ARHGAP10: variants seen among roughly 807,000 people sequenced by gnomAD.
ARHGAP10 encodes the protein rho GTPase-activating protein 10.
Under a neutral mutation model 108.6 loss-of-function variants are expected in ARHGAP10, and 87 were observed. The observed-to-expected ratio is 0.80, with a 90% CI of 0.67 to 0.96. ARHGAP10 has a LOEUF of 0.96. Among genes scored for constraint, ARHGAP10 ranks in the 40% least tolerant of loss-of-function variants. The pLI is 0.00. For missense variants in ARHGAP10, 939 were observed against 954.5 expected, an observed-to-expected ratio of 0.98 and a Z score of 0.21; for synonymous variants, 347 against 341.1, an observed-to-expected ratio of 1.02 and a Z score of -0.19.
At chr4:147,811,903 T>C (rs769595351) in intron 1 of ARHGAP10, among the ~76,000 whole-genome samples, 1 of 152,178 alleles carries the variant, frequency 6.6e-6, no homozygotes, top group Non-Finnish European at 1.5e-5. Context: ...GTGGGCACTT[T>C]TAAAAGTCAA....
At chr4:148,013,846 C>G (rs1405674125) in intron 18 of ARHGAP10, among the ~76,000 whole-genome samples, 1 of 152,144 alleles carries the variant, frequency 6.6e-6, no homozygotes, top group East Asian at 1.9e-4. Flanking sequence ...TCACCAGTGT[C>G]ATTTAAGGAA....
intron 10 of ARHGAP10, among the ~76,000 whole-genome samples, chr4:147,893,612 A>G (rs966287647): frequency 6.7e-6 from 1 of 148,362 alleles, no homozygotes; most frequent in Admixed American, 6.8e-5. Context: ...TATATATAGA[A>G]CTATATATAT....
chr4:148,051,012 A>G (rs1729112146), intron 20 of ARHGAP10, among the ~76,000 whole-genome samples: 1 of 152,250 alleles, frequency 6.6e-6, no homozygotes, highest in South Asian at 2.1e-4. Flanking sequence ...ATAGGACCCC[A>G]GTAGATCTGT....
chr4:147,840,075 G>A (rs572790130), intron 3 of ARHGAP10, among the ~76,000 whole-genome samples: 18 of 152,186 alleles, frequency 1.2e-4, no homozygotes, highest in Non-Finnish European at 2.2e-4. Context: ...GAGGACCTCC[G>A]CTGTCCTCTT....
chr4:147,875,180 G>A, intron 8 of ARHGAP10, 30 bp downstream of exon 8: 1 of 1,531,436 alleles, frequency 6.5e-7, no homozygotes, highest in Non-Finnish European at 8.7e-7. Flanking sequence ...TGGCTGCGTG[G>A]CTGCTTAAAA....
At chr4:148,059,729 C>T (rs1047010173) in intron 20 of ARHGAP10, among the ~76,000 whole-genome samples, 4 of 152,088 alleles carry the variant, frequency 2.6e-5, no homozygotes, top group East Asian at 1.9e-4. Flanking sequence ...ACCCTGCTTG[C>T]GAGCTACCAA....
chr4:147,994,520 A>C (rs1740400580), intron 18 of ARHGAP10, among the ~76,000 whole-genome samples: 3 of 152,240 alleles, frequency 2.0e-5, no homozygotes. Flanking sequence ...GAAGATTTAT[A>C]ATCCTTTGTG....
intron 14 of ARHGAP10, chr4:147,946,219 C>G (rs1453658894): frequency 1.2e-5 from 2 of 161,492 alleles, no homozygotes; most frequent in Admixed American, 1.3e-4. Flanking sequence ...GGCAACAATG[C>G]CACCTAAAAC....
rs1159518291 is a variant in ARHGAP10 at position 147,847,208 on chromosome 4, CT to C, written c.372del (p.Gly125GlufsTer3). Reference protein sequence around the residue: ...KPLEKFRKEQLGAVKEEKKKF... With the variant: ...KPLEKFRKEQXGAVKEEKKKF... Reference sequence around the variant, plus strand: ...CTTGGAAAAATTCAGAAAAGAGCAACTTGGAGCTGTAAAGGTTTGTGTCTAA... The same window carrying C: ...CTTGGAAAAATTCAGAAAAGAGCAACTGGAGCTGTAAAGGTTTGTGTCTAA... On this transcript the variant is annotated frameshift_variant, in exon 4 of 23. Coordinates refer to ENST00000336498, the MANE Select transcript of ARHGAP10 (RefSeq NM_024605.4). LOFTEE classifies it high-confidence loss of function. 6.2e-7 allele frequency: 1 copy of C among 1,612,324 alleles called. No homozygotes were observed. Among genetic ancestry groups the C allele is most frequent in the Non-Finnish European group, 8.5e-7 (1 of 1,178,656 alleles).
intron 18 of ARHGAP10, among the ~76,000 whole-genome samples, chr4:148,003,504 C>T (rs1740818044): frequency 6.6e-6 from 1 of 152,134 alleles, no homozygotes; most frequent in South Asian, 2.1e-4. Context: ...CTAATGTTGA[C>T]AGTGGGGTGT....
intron 1 of ARHGAP10, among the ~76,000 whole-genome samples, chr4:147,803,614 C>T (rs1731665767): frequency 6.6e-6 from 1 of 152,190 alleles, no homozygotes; most frequent in Non-Finnish European, 1.5e-5. Flanking sequence ...CTCTGGTAAC[C>T]ACCATTCTTC....
intron 19 of ARHGAP10, among the ~76,000 whole-genome samples, chr4:148,038,704 A>T (rs1472994999): frequency 6.6e-6 from 1 of 152,156 alleles, no homozygotes; most frequent in African/African-American, 2.4e-5. Context: ...AAGATAGAAA[A>T]TGCAGGGTGA....
intron 1 of ARHGAP10, among the ~76,000 whole-genome samples, chr4:147,775,790 C>T (rs1173564720): frequency 6.6e-6 from 1 of 152,122 alleles, no homozygotes. Flanking sequence ...AGCATGTATG[C>T]AGCACATCTG....
intron 13 of ARHGAP10, among the ~76,000 whole-genome samples, chr4:147,936,399 G>C (rs1737939939): frequency 1.4e-5 from 2 of 144,384 alleles, no homozygotes; most frequent in African/African-American, 5.1e-5. Flanking sequence ...CGCAATCTCG[G>C]CTCACTGCAA....
intron 1 of ARHGAP10, among the ~76,000 whole-genome samples, chr4:147,762,874 T>C (rs1729647883): frequency 6.6e-6 from 1 of 151,356 alleles, no homozygotes; most frequent in South Asian, 2.1e-4. Context: ...TGATGGGGAG[T>C]GGGGTAGATT....
intron 1 of ARHGAP10, among the ~76,000 whole-genome samples, chr4:147,753,063 C>T (rs1729227292): frequency 6.6e-6 from 1 of 152,166 alleles, no homozygotes. Context: ...AGTCATATGG[C>T]AAAGTAATAG....
intron 18 of ARHGAP10, among the ~76,000 whole-genome samples, chr4:148,013,552 G>A (rs1741242190): frequency 6.6e-6 from 1 of 152,104 alleles, no homozygotes; most frequent in African/African-American, 2.4e-5. Context: ...GCCGGGCATG[G>A]TGGCGGGCGC....
intron 19 of ARHGAP10, among the ~76,000 whole-genome samples, chr4:148,027,230 TTAAG>T (rs1399094772): frequency 2.6e-5 from 4 of 152,252 alleles, no homozygotes; most frequent in Non-Finnish European, 5.9e-5. Flanking sequence ...TCTGGTGTAA[TTAAG>T]TATTCTTTGC....
At chr4:147,940,009 A>G (rs1348596295) in intron 14 of ARHGAP10, 110 bp downstream of exon 14, 6 of 1,080,880 alleles carry the variant, frequency 5.6e-6, no homozygotes, top group Non-Finnish European at 6.8e-6. Flanking sequence ...CCATTCCTCT[A>G]CTTTCTACAG....
Sources: gnomAD v4.1 joint callset for allele counts (sites outside exome capture counted in the v4.1 genomes callset) on GRCh38, gnomAD v4.1.1 for gene constraint, MANE v1.5 for transcripts, NCBI Gene and HGNC (gene_info 2026-07-23, HGNC 2026-07-21) for gene names.